Variants in KIF14 observed in about 807,000 individuals in gnomAD.
KIF14 encodes kinesin-like protein KIF14.
A neutral mutation model predicts 176.2 loss-of-function variants in KIF14; 98 were observed. That is an observed-to-expected ratio of 0.56 (90% CI 0.47 to 0.66). The LOEUF (loss-of-function observed/expected upper bound fraction) is 0.66, where lower values mean the gene tolerates loss of function less well. KIF14 is among the 30% of genes least tolerant of loss of function. The probability of loss-of-function intolerance (pLI) is 0.00; values close to 1 mark genes in which losing one functional copy is unlikely to be tolerated. For synonymous variants in KIF14, 566 were observed against 632.2 expected, an observed-to-expected ratio of 0.90 and a Z score of 1.57; for missense variants, 1,751 against 1,920.4, an observed-to-expected ratio of 0.91 and a Z score of 1.65.
chr1:200,607,822 T>A (rs1659957492), intron 5 of KIF14, among the ~76,000 whole-genome samples: 1 of 152,146 alleles, frequency 6.6e-6, no homozygotes, highest in Non-Finnish European at 1.5e-5. Flanking sequence ...TGCATCAGCC[T>A]CCTGAGTAGC....
At position 200,618,341 on chromosome 1, in the gene KIF14, T is replaced by C. The variant is rs147896207; in HGVS notation, c.383A>G (p.Asp128Gly). 3 of 1,614,116 alleles carry C rather than the reference T, an allele frequency of 1.9e-6. No homozygotes were observed. Among genetic ancestry groups the C allele is most frequent in the Non-Finnish European group, 2.5e-6 (3 of 1,180,020 alleles). Residue 128 changes from aspartate (D) to glycine (G), a missense_variant, in exon 2 of 30, where the codon GAT (aspartate) becomes GGT (glycine). Transcript: ENST00000367350. ...RLTLQRRAKT[D>G]SAEKWKTAEI... ...AGCTGTTTTCCACTTTTCTGCAGAA[T>C]CTGTTTTAGCACGACGTTGTAATGT...
chr1:200,567,408 G>A (rs1199227250), intron 23 of KIF14, among the ~76,000 whole-genome samples: 15 of 151,884 alleles, frequency 9.9e-5, no homozygotes, highest in Non-Finnish European at 2.1e-4. Flanking sequence ...AGCCGGGCCT[G>A]GTGGCAGGCG....
At chr1:200,563,804 C>A (rs1657290322) in intron 25 of KIF14, among the ~76,000 whole-genome samples, 1 of 152,158 alleles carries the variant, frequency 6.6e-6, no homozygotes, top group South Asian at 2.1e-4. Flanking sequence ...CCACTTCTTC[C>A]ACAGATCCCT....
At chr1:200,585,375 C>T (rs1034205488) in intron 19 of KIF14, among the ~76,000 whole-genome samples, 3 of 151,520 alleles carry the variant, frequency 2.0e-5, no homozygotes, top group Non-Finnish European at 4.4e-5. Flanking sequence ...AATTACATCT[C>T]AGTAAAGCTA....
In KIF14 at chr1:200,617,845, C is replaced by T. The variant is rs1182625587; in HGVS notation, c.879G>A (p.Leu293=). The T allele has an allele frequency of 1.2e-6, 2 of 1,614,186 alleles. No homozygotes were observed. The highest frequency in any genetic ancestry group is 4.5e-5 in the East Asian group (2 of 44,874). The change falls in exon 2 of 30, where the codon CTG becomes CTA. Residue 293 remains leucine (L), a synonymous_variant. Coordinates refer to ENST00000367350, the MANE Select transcript of KIF14 (RefSeq NM_014875.3). ...ATGGAGCTGGGCTCTTAAGCTGAGG[C>T]AGGCTGCACTTTGTTGTCAGTTTGT... ...TEHKLTTKCS[L]PQLKSPAPSI...
chr1:200,555,602 G>A (rs1656792211), intron 27 of KIF14, 148 bp from the exon 28 acceptor site: 3 of 427,318 alleles, frequency 7.0e-6, no homozygotes, highest in Admixed American at 4.4e-5. Context: ...TAAATAGCTT[G>A]AGAGTACTTA....
At position 200,569,957 on chromosome 1, in the gene KIF14, G is replaced by A; in HGVS notation, c.3615C>T (p.Asp1205=). 6.2e-7 allele frequency: 1 copy of A among 1,604,906 alleles called. No individual in the cohort carries two copies. Among genetic ancestry groups the A allele is most frequent in the Non-Finnish European group, 8.5e-7 (1 of 1,173,962 alleles). The change falls in exon 23 of 30, where the codon GAC becomes GAT. Residue 1205 remains aspartate, a synonymous_variant. Coordinates refer to ENST00000367350, the MANE Select transcript of KIF14 (RefSeq NM_014875.3). ...KNRRISGCLH[D]IQVHPIKNLH... ...AATTCTTAATTGGATGGACTTGTAT[G>A]TCATGTAAACAACCAGAAATTCTTC...
Position 200,616,262 on chromosome 1 carries a change from C to T in KIF14, c.1113-653G>A, listed in dbSNP as rs533460381. ...CCCTGACTCTGAGACTGCTTTAAAT[C>T]AGAATTTATTCTGGAAAAAACACCT... On this transcript the variant is annotated intron_variant, in intron 2 of 29. Coordinates refer to ENST00000367350, the MANE Select transcript of KIF14 (RefSeq NM_014875.3). Among the ~76,000 whole-genome samples the T allele has an allele frequency of 9.2e-5, 14 of 152,308 alleles. No individual in the cohort carries two copies. In the East Asian group the frequency reaches 2.1e-3, roughly 23 times the overall value.
intron 23 of KIF14, among the ~76,000 whole-genome samples, chr1:200,568,945 G>A (rs1657624176): frequency 9.2e-6 from 1 of 108,564 alleles, no homozygotes; most frequent in Non-Finnish European, 1.8e-5. Flanking sequence ...TTTTTTTTGA[G>A]ATGGAGTTTC....
At position 200,580,303 on chromosome 1, in the gene KIF14, C is replaced by T; in HGVS notation, c.3416G>A (p.Ser1139Asn). ...AAGTTTAGATTCAAACTTTTCCAGA[C>T]TCCAGAATGTTGAGATTCCTAGTTT... ...NLKLGISTFWSLEKFESKLAA... is the reference protein window; with the variant it reads ...NLKLGISTFWNLEKFESKLAA... The change falls in exon 21 of 30, where the codon AGT becomes AAT. Residue 1139 changes from serine (S) to asparagine (N), a missense_variant. Physicochemically the swap from Ser to Asn is conservative, Grantham distance 46 (BLOSUM62 1). Coordinates refer to ENST00000367350, the MANE Select transcript of KIF14 (RefSeq NM_014875.3). 6.6e-7 allele frequency: 1 copy of T among 1,523,492 alleles called. No homozygotes were observed. Among genetic ancestry groups the T allele is most frequent in the Non-Finnish European group, 8.9e-7 (1 of 1,128,964 alleles). 94.4% of individuals were successfully genotyped at this position (1,523,492 alleles called of 1,614,324 possible). A position where few individuals can be genotyped will look rare whatever the true frequency, so the allele number is the denominator to read the frequency against.
intron 5 of KIF14, among the ~76,000 whole-genome samples, chr1:200,608,052 AT>A (rs760973315): frequency 1.3e-5 from 2 of 152,176 alleles, no homozygotes; most frequent in African/African-American, 2.4e-5. Flanking sequence ...AAAATTAAAA[AT>A]TTTAAATTTG....
intron 22 of KIF14, among the ~76,000 whole-genome samples, chr1:200,570,531 T>C (rs1385115343): frequency 6.6e-6 from 1 of 151,962 alleles, no homozygotes; most frequent in Non-Finnish European, 1.5e-5. Context: ...ACCTGATAAA[T>C]GAAAGTAGTG....
rs12024960 is a variant in KIF14 at position 200,553,493 on chromosome 1, G to A, written c.4842C>T (p.Asp1614=). The A allele has an allele frequency of 3.4e-3, 5,485 of 1,613,888 alleles. 115 individuals are homozygous for A. The East Asian group carries it at 0.069, about 20-fold the overall frequency. ...TTGGTACACCTTTATTCTTACTGCCGTCAATCCCGCTTGATTTAGATTGTT... is the reference window on the plus strand; with the variant it reads ...TTGGTACACCTTTATTCTTACTGCCATCAATCCCGCTTGATTTAGATTGTT... The part of the protein sequence containing the change: ...EHQQSKSSGI[D]GSKNKGVPKR... Residue 1614 remains aspartate, a synonymous_variant, in exon 30 of 30, where the codon GAC becomes GAT. Transcript: ENST00000367350.
chr1:200,576,478 A>G (rs57196792), intron 21 of KIF14, among the ~76,000 whole-genome samples: 21,125 of 88,664 alleles, frequency 0.24, 1,874 homozygotes, highest in African/African-American at 0.43. Context: ...ACTCCGTCTC[A>G]AAAAAAAAAA....
chr1:200,589,246 A>G lies in KIF14; in HGVS notation c.3085T>C (p.Leu1029=), dbSNP rs1441318588. 6.2e-7 allele frequency: 1 copy of G among 1,608,880 alleles called. No individual in the cohort carries two copies. Among genetic ancestry groups the G allele is most frequent in the South Asian group, 1.1e-5 (1 of 90,014 alleles). Residue 1029 remains leucine (L), a synonymous_variant, in exon 18 of 30, where the codon TTA becomes CTA. Transcript: ENST00000367350. ...EQEIYVNKKR[L]EMETLATKQA... ...TTTGTAGCCAATGTTTCCATTTCTA[A>G]TCGCTTTTTGTTGACATATATTTCC... is the stretch of plus-strand genomic sequence containing the variant.
chr1:200,607,084 T>G lies in KIF14; in HGVS notation c.1555-286A>C, dbSNP rs142701073. On this transcript the variant is annotated intron_variant, in intron 5 of 29. Coordinates refer to ENST00000367350, the MANE Select transcript of KIF14 (RefSeq NM_014875.3). Reference sequence around the variant, plus strand: ...AAAAACTGCTATTAGAATTGTCTAATAGACAATAATTAGAACAATATATTT... The same window carrying G: ...AAAAACTGCTATTAGAATTGTCTAAGAGACAATAATTAGAACAATATATTT... Among the ~76,000 whole-genome samples, 398 of 121,410 alleles carry G rather than the reference T, an allele frequency of 3.3e-3. 3 individuals carry two copies. The highest frequency in any genetic ancestry group is 0.013 in the African/African-American group (380 of 29,548). 79.6% of individuals were successfully genotyped at this position (121,410 alleles called of 152,430 possible).
intron 22 of KIF14, among the ~76,000 whole-genome samples, chr1:200,573,164 T>C (rs1015456116): frequency 6.6e-6 from 1 of 152,204 alleles, no homozygotes; most frequent in Admixed American, 6.5e-5. Context: ...ATGGTGGTCA[T>C]AGTAGAAGCA....
At chr1:200,602,128 T>C in intron 10 of KIF14, 60 bp from the exon 11 acceptor site, 6 of 1,443,156 alleles carry the variant, frequency 4.2e-6, no homozygotes, top group Non-Finnish European at 4.8e-6. Flanking sequence ...AGTAATTATC[T>C]AGAAAGCACA....
chr1:200,608,033 G>A (rs1659968516), intron 5 of KIF14, among the ~76,000 whole-genome samples: 1 of 151,912 alleles, frequency 6.6e-6, no homozygotes, highest in African/African-American at 2.4e-5. Flanking sequence ...GTGCTCCAAG[G>A]TCCATTGCAA....
Sources: allele counts gnomAD v4.1 joint callset (sites outside exome capture counted in the v4.1 genomes callset), GRCh38; gene constraint gnomAD v4.1.1; transcripts MANE v1.5; gene names NCBI Gene and HGNC (gene_info 2026-07-23, HGNC 2026-07-21).